The following STARD9 variants were observed in gnomAD, a reference collection of about 807,000 sequenced individuals.
STARD9 encodes StAR related lipid transfer domain containing 9.
A neutral mutation model predicts 399.8 loss-of-function variants in STARD9; 346 were observed. The ratio of observed to expected loss-of-function variants is 0.87; its 90% CI spans 0.79 to 0.95. STARD9 has a LOEUF of 0.95. Ranked by LOEUF, STARD9 falls within the 40% of genes least tolerant of loss-of-function variation. STARD9 has a pLI of 0.00. For missense variants in STARD9, 5,832 were observed against 5,667.5 expected (o/e 1.03, Z -0.93); for synonymous variants, 2,203 against 2,143.5 (o/e 1.03, Z -0.77).
chr15:42,716,641 C>G (rs1186644792), intron 26 of STARD9, 36 bp from the exon 27 acceptor site: 4 of 1,352,112 alleles, frequency 3.0e-6, no homozygotes, highest in Non-Finnish European at 4.1e-6. Context: ...CTGTGCTTGC[C>G]TTCTGGCTCT....
intron 26 of STARD9, among the ~76,000 whole-genome samples, chr15:42,702,071 C>A (rs555203230): frequency 2.6e-5 from 4 of 151,978 alleles, no homozygotes; most frequent in African/African-American, 9.7e-5. Context: ...CTTATATCCC[C>A]TTCCTCGCTA....
intron 32 of STARD9, 21 bp from the exon 33 acceptor site, chr15:42,719,452 T>A (rs1209628275): frequency 2.7e-6 from 4 of 1,490,406 alleles, no homozygotes; most frequent in Non-Finnish European, 3.6e-6. Context: ...GCACCTTAAA[T>A]TCTTCTCTCT....
rs371804406 is a variant in STARD9 at position 42,717,720 on chromosome 15, T to G, written c.13495-11T>G. The G allele has an allele frequency of 3.9e-6, 6 of 1,537,052 alleles. No individual in the cohort carries two copies. The East Asian group carries it at 1.5e-4, about 38-fold the overall frequency. On this transcript the variant is annotated splice_polypyrimidine_tract_variant and intron_variant, in intron 28 of 32. Transcript: ENST00000290607. Reference sequence around the variant, plus strand: ...TGCCTCCTAATTTGGGTGTGGCCATTGTGTCCCCAGGTAATGGCTGCTTGT... The same window carrying G: ...TGCCTCCTAATTTGGGTGTGGCCATGGTGTCCCCAGGTAATGGCTGCTTGT...
intron 3 of STARD9, among the ~76,000 whole-genome samples, chr15:42,626,324 C>CTCCTCTTCCCCTTCT (rs2059213809): frequency 7.9e-6 from 1 of 126,926 alleles, no homozygotes; most frequent in Admixed American, 7.4e-5. Context: ...CCTCTTCTTC[C>CTCCTCTTCCCCTTCT]TCCTCTTCCT....
At chr15:42,678,564 T>TCCGCTGCCACCA (rs2060359153) in intron 20 of STARD9, among the ~76,000 whole-genome samples, 1 of 152,196 alleles carries the variant, frequency 6.6e-6, no homozygotes, top group South Asian at 2.1e-4. Flanking sequence ...TGTTGCTGCT[T>TCCGCTGCCACCA]CCGCTGCCAC....
chr15:42,635,828 C>T (rs919370282), intron 4 of STARD9, among the ~76,000 whole-genome samples: 1 of 152,146 alleles, frequency 6.6e-6, no homozygotes, highest in Non-Finnish European at 1.5e-5. Context: ...TTATTGTGGC[C>T]AAGCTCCAAG....
At position 42,684,874 on chromosome 15, in the gene STARD9, A is replaced by G. The variant is rs1291629206; in HGVS notation, c.3296A>G (p.Asp1099Gly). 3.3e-6 allele frequency: 5 copies of G among 1,536,998 alleles called. No homozygotes were observed. The highest frequency in any genetic ancestry group is 4.9e-5 in the East Asian group (2 of 40,930). ...VMDHSREKDN[D>G]LSDTDSNYSL... ...GATCATTCAAGAGAAAAAGACAATG[A>G]TTTATCTGACACAGATAGCAACTAC... is the stretch of plus-strand genomic sequence containing the variant. Residue 1099 changes from aspartate (D) to glycine (G), a missense_variant, in exon 23 of 33, where the codon GAT (aspartate) becomes GGT (glycine). Around this residue, in one of 2 missense-constraint regions of STARD9, gnomAD observed 5,828 missense variants for 5,651.1 expected, o/e 1.03. Transcript: ENST00000290607.
At chr15:42,674,679 T>A (rs2060273545) in intron 17 of STARD9, 148 bp from the exon 18 acceptor site, 36 of 1,298,634 alleles carry the variant, frequency 2.8e-5, no homozygotes, top group Non-Finnish European at 3.7e-5. Flanking sequence ...TGGGAGGATT[T>A]CAGGTCTGGG....
rs759929486 is a variant in STARD9, at chr15:42,683,894, T to C, written c.2538-222T>C. On this transcript the variant is annotated intron_variant, in intron 22 of 32. Transcript: ENST00000290607. ...TCCCTACAAGTGTGATTAGCTTCAGTTCAGTTTTTTAACAAGATGAAGAAA... is the reference window on the plus strand; with the variant it reads ...TCCCTACAAGTGTGATTAGCTTCAGCTCAGTTTTTTAACAAGATGAAGAAA... Among the ~76,000 whole-genome samples the C allele has an allele frequency of 2.0e-5, 3 of 152,206 alleles. No homozygotes were observed. In the South Asian group the frequency reaches 6.2e-4, roughly 32 times the overall value.
At chr15:42,705,640 A>G (rs1399906737) in intron 26 of STARD9, among the ~76,000 whole-genome samples, 1 of 151,736 alleles carries the variant, frequency 6.6e-6, no homozygotes, top group Non-Finnish European at 1.5e-5. Flanking sequence ...TGGGGTTTTC[A>G]GTGTTGGCTA....
chr15:42,619,079 TTTG>T lies in STARD9; in HGVS notation c.235-15773_235-15771del, dbSNP rs1240970185. On this transcript the variant is annotated intron_variant, in intron 3 of 32. Coordinates refer to ENST00000290607, the MANE Select transcript of STARD9 (RefSeq NM_020759.3). Reference sequence around the variant, plus strand: ...ATTTCAGTTTTTCACTCTTCCTAATTTTGTTGAATTTTTAAAAATTTAAATTTA... The same window carrying T: ...ATTTCAGTTTTTCACTCTTCCTAATTTTGAATTTTTAAAAATTTAAATTTA... Among the ~76,000 whole-genome samples, 5 of 152,290 alleles carry T rather than the reference TTTG, an allele frequency of 3.3e-5. No homozygotes were observed. In the East Asian group the frequency reaches 9.6e-4, roughly 29 times the overall value.
rs545648855 is a variant in STARD9, at chr15:42,658,590, C to G, written c.703-2568C>G. Reference sequence around the variant, plus strand: ...CTCCACCTCCCGGGTTCAAGTGATTCTCCTGCCTCAGCCACCTAAGTAGCT... The same window carrying G: ...CTCCACCTCCCGGGTTCAAGTGATTGTCCTGCCTCAGCCACCTAAGTAGCT... On this transcript the variant is annotated intron_variant, in intron 9 of 32. Transcript: ENST00000290607. 5.3e-5 allele frequency among the ~76,000 whole-genome samples: 8 copies of G among 151,818 alleles called. 1 individual carries two copies. The East Asian group carries it at 1.6e-3, about 30-fold the overall frequency.
chr15:42,658,206 A>G (rs2059914452), intron 9 of STARD9, among the ~76,000 whole-genome samples: 1 of 152,026 alleles, frequency 6.6e-6, no homozygotes, highest in South Asian at 2.1e-4. Flanking sequence ...GTGCAGTGGC[A>G]CAATCATGGC....
chr15:42,689,942 T>G lies in STARD9; in HGVS notation c.8364T>G (p.Thr2788=). The change falls in exon 23 of 33, where the codon ACT becomes ACG. Residue 2788 remains threonine, a synonymous_variant. Coordinates refer to ENST00000290607, the MANE Select transcript of STARD9 (RefSeq NM_020759.3). ...DSSPEHQEPR[T]LDTTYGEVSD... ...GCCCAGAGCATCAGGAACCCAGAAC[T>G]CTAGACACCACATATGGAGAAGTTT... The G allele has an allele frequency of 6.5e-7, 1 of 1,537,614 alleles. No homozygotes were observed. Among genetic ancestry groups the G allele is most frequent in the Non-Finnish European group, 8.7e-7 (1 of 1,147,002 alleles).
Position 42,719,515 on chromosome 15 carries a change from T to A in STARD9, c.14044T>A (p.Ser4682Thr), listed in dbSNP as rs2061413850. 3 of 1,537,134 alleles carry A rather than the reference T, an allele frequency of 2.0e-6. No homozygotes were observed. Among genetic ancestry groups the A allele is most frequent in the Non-Finnish European group, 2.6e-6 (3 of 1,146,894 alleles). The change falls in exon 33 of 33, where the codon TCT becomes ACT. Residue 4682 changes from serine (S) to threonine (T), a missense_variant. Physicochemically the swap from Ser to Thr is moderately conservative, Grantham distance 58 (BLOSUM62 1). Transcript: ENST00000290607. The stretch of plus-strand genomic sequence containing the variant: ...AGGCTTCCCACCTCAGCTCCTGAGC[T>A]CTTTCATCAAACGGCAGCCACTGGT... Reference protein sequence around the residue: ...APGFPPQLLSSFIKRQPLVIA... With the variant: ...APGFPPQLLSTFIKRQPLVIA...
In STARD9 at chr15:42,688,715, G is replaced by A. The variant is rs1045482888; in HGVS notation, c.7137G>A (p.Glu2379=). The A allele has an allele frequency of 3.3e-6, 5 of 1,537,660 alleles. No individual in the cohort carries two copies. The African/African-American group carries it at 5.5e-5, about 17-fold the overall frequency. The change falls in exon 23 of 33, where the codon GAG becomes GAA. Residue 2379 remains glutamate, a synonymous_variant. Transcript: ENST00000290607. ...IHNSPLVTGV[E]HQDQSTETRS... ...ACAGTCCCTTGGTAACTGGAGTAGA[G>A]CATCAGGACCAGAGTACGGAGACCA...
intron 6 of STARD9, 73 bp downstream of exon 6, chr15:42,638,160 C>G: frequency 1.5e-6 from 2 of 1,340,044 alleles, no homozygotes; most frequent in Non-Finnish European, 2.1e-6. Context: ...TTCAGCTGTC[C>G]TCTCTTTGCT....
chr15:42,706,998 G>C (rs936133421), intron 26 of STARD9, among the ~76,000 whole-genome samples: 1 of 152,018 alleles, frequency 6.6e-6, no homozygotes, highest in African/African-American at 2.4e-5. Flanking sequence ...TTGGAGTCCA[G>C]TTATATTTTA....
rs1254384969 is a variant in STARD9 at position 42,691,702 on chromosome 15, C to A, written c.10124C>A (p.Thr3375Lys). Residue 3375 changes from threonine to lysine, a missense_variant, in exon 23 of 33, where the codon ACA (threonine) becomes AAA (lysine). Transcript: ENST00000290607. ...GYSSGKSVAR[T>K]SLQAEDSNQK... ...TCCTCAGGAAAGTCAGTGGCAAGAA[C>A]ATCTCTGCAGGCTGAGGACAGCAAT... 2 of 1,537,132 alleles carry A rather than the reference C, an allele frequency of 1.3e-6. No individual in the cohort carries two copies. Among genetic ancestry groups the A allele is most frequent in the African/African-American group, 2.7e-5 (2 of 73,044 alleles).
Sources: gnomAD v4.1 joint callset for allele counts (sites outside exome capture counted in the v4.1 genomes callset) on GRCh38, gnomAD v4.1.1 for gene constraint, gnomAD v4.1.1 regional missense constraint, MANE v1.5 for transcripts, NCBI Gene and HGNC (gene_info 2026-07-23, HGNC 2026-07-21) for gene names.